Variants in CADM2 observed in about 807,000 individuals in gnomAD.
CADM2 encodes immunoglobulin superfamily member 4D.
A neutral mutation model predicts 49.8 loss-of-function variants in CADM2; 12 were observed. The ratio of observed to expected loss-of-function variants is 0.24; its 90% CI spans 0.15 to 0.39. The LOEUF (loss-of-function observed/expected upper bound fraction) is 0.39, where lower values mean the gene tolerates loss of function less well. CADM2 is among the 10% of genes least tolerant of loss of function. The pLI is 1.00. For synonymous variants in CADM2, 214 were observed against 175.4 expected (o/e 1.22, Z -1.74); for missense variants, 378 against 492.3 (o/e 0.77, Z 2.20).
chr3:85,691,881 A>C (rs1225257692), intron 1 of CADM2, among the ~76,000 whole-genome samples: 1 of 152,174 alleles, frequency 6.6e-6, no homozygotes, highest in Non-Finnish European at 1.5e-5. Context: ...AAGGACAAAA[A>C]ACCAAACACC....
chr3:85,422,134 A>C (rs2036199264), intron 1 of CADM2, among the ~76,000 whole-genome samples: 1 of 151,776 alleles, frequency 6.6e-6, no homozygotes, highest in Non-Finnish European at 1.5e-5. Context: ...AAGTTTTAGA[A>C]TGTGTACATA....
intron 1 of CADM2, among the ~76,000 whole-genome samples, chr3:85,171,089 A>T (rs2040613464): frequency 6.6e-6 from 1 of 152,206 alleles, no homozygotes; most frequent in Non-Finnish European, 1.5e-5. Context: ...GTAAATGTAC[A>T]TGAGGCATAT....
chr3:85,964,655 T>C (rs1725252235), intron 8 of CADM2, among the ~76,000 whole-genome samples: 1 of 151,734 alleles, frequency 6.6e-6, no homozygotes, highest in African/African-American at 2.4e-5. Flanking sequence ...TTATCCTCAA[T>C]GAAAGGCCTA....
chr3:85,234,916 A>T (rs972039830), intron 1 of CADM2, among the ~76,000 whole-genome samples: 2 of 152,134 alleles, frequency 1.3e-5, no homozygotes, highest in African/African-American at 2.4e-5. Flanking sequence ...AAAAGCTGCT[A>T]TGAACTAACA....
chr3:85,762,985 G>A (rs1011530836), intron 2 of CADM2, among the ~76,000 whole-genome samples: 13 of 151,424 alleles, frequency 8.6e-5, no homozygotes, highest in African/African-American at 2.9e-4. Context: ...AGTTCTTTGG[G>A]TTGTTTCTAA....
intron 1 of CADM2, among the ~76,000 whole-genome samples, chr3:85,479,551 A>C (rs1435342852): frequency 6.6e-6 from 1 of 151,978 alleles, no homozygotes; most frequent in Non-Finnish European, 1.5e-5. Flanking sequence ...CAGGAGATTC[A>C]GATTCCGATT....
intron 1 of CADM2, among the ~76,000 whole-genome samples, chr3:85,219,897 G>C (rs1235789369): frequency 6.6e-6 from 1 of 152,188 alleles, no homozygotes; most frequent in South Asian, 2.1e-4. Flanking sequence ...ACAATTTGAG[G>C]CACATGAAAT....
chr3:85,723,185 G>T (rs527694484), intron 1 of CADM2, among the ~76,000 whole-genome samples: 1 of 151,868 alleles, frequency 6.6e-6, no homozygotes, highest in South Asian at 2.1e-4. Context: ...ATATTATAAC[G>T]AACAATCTCT....
At chr3:85,188,991 A>G (rs1212830208) in intron 1 of CADM2, among the ~76,000 whole-genome samples, 1 of 151,874 alleles carries the variant, frequency 6.6e-6, no homozygotes, top group Non-Finnish European at 1.5e-5. Flanking sequence ...AGATTGCGCC[A>G]CTGAACTCCA....
rs539168332 is a variant in CADM2 at position 85,258,614 on chromosome 3, C to T, written c.61+298946C>T. On this transcript the variant is annotated intron_variant, in intron 1 of 9. Transcript: ENST00000383699. ...CAAGACGCTATCCAATCCCTGAAAA[C>T]GAAACAAATGTACCGTATCCATTAA... Among the ~76,000 whole-genome samples the T allele has an allele frequency of 3.8e-4, 58 of 152,016 alleles. 1 individual carries two copies. The highest frequency in any genetic ancestry group is 3.0e-3 in the Admixed American group (45 of 15,244).
At chr3:86,033,983 C>T (rs767923699) in intron 8 of CADM2, among the ~76,000 whole-genome samples, 4 of 151,596 alleles carry the variant, frequency 2.6e-5, no homozygotes, top group Non-Finnish European at 4.4e-5. Flanking sequence ...CTAGCACCCA[C>T]TCTGCGTATA....
intron 1 of CADM2, among the ~76,000 whole-genome samples, chr3:85,037,116 G>C (rs542609464): frequency 1.5e-4 from 23 of 152,190 alleles, no homozygotes; most frequent in Admixed American, 4.6e-4. Flanking sequence ...GTTGCAGTGA[G>C]CTAAGATTGC....
chr3:85,415,203 A>G (rs2035859083), intron 1 of CADM2, among the ~76,000 whole-genome samples: 1 of 152,160 alleles, frequency 6.6e-6, no homozygotes, highest in Admixed American at 6.5e-5. Context: ...TTTGGCACAA[A>G]ATATTTAATA....
intron 1 of CADM2, among the ~76,000 whole-genome samples, chr3:85,011,874 AAAAT>A (rs1458954748): frequency 6.6e-6 from 1 of 152,172 alleles, no homozygotes; most frequent in African/African-American, 2.4e-5. Context: ...CCTGTCTCAA[AAAAT>A]AAATAAATAA....
intron 1 of CADM2, among the ~76,000 whole-genome samples, chr3:85,199,418 A>T (rs754210635): frequency 6.0e-5 from 9 of 151,198 alleles, no homozygotes; most frequent in Non-Finnish European, 7.4e-5. Context: ...AAAAAGGAAT[A>T]GACAAAAGCT....
At chr3:85,652,772 C>CTTTCTTTTTTTT in intron 1 of CADM2, among the ~76,000 whole-genome samples, 1 of 50,782 alleles carries the variant, frequency 2.0e-5, no homozygotes. Flanking sequence ...TTTTTCTTTT[C>CTTTCTTTTTTTT]TTTTTTTTTT....
intron 3 of CADM2, among the ~76,000 whole-genome samples, chr3:85,858,120 C>A (rs368626113): frequency 6.6e-6 from 1 of 152,176 alleles, no homozygotes; most frequent in South Asian, 2.1e-4. Flanking sequence ...TGAAGCCTCA[C>A]ACAATATCTC....
intron 1 of CADM2, among the ~76,000 whole-genome samples, chr3:85,191,302 AG>A (rs1300504688): frequency 2.0e-5 from 3 of 152,008 alleles, no homozygotes; most frequent in Admixed American, 2.0e-4. Flanking sequence ...ATCAACAGTA[AG>A]GAACTCACTT....
intron 8 of CADM2, among the ~76,000 whole-genome samples, chr3:86,000,345 A>G (rs1201839691): frequency 6.6e-6 from 1 of 152,214 alleles, no homozygotes; most frequent in Non-Finnish European, 1.5e-5. Flanking sequence ...GTAGGAACTT[A>G]CCATGTTTCC....
Sources: gnomAD v4.1 joint callset for allele counts (sites outside exome capture counted in the v4.1 genomes callset) on GRCh38, gnomAD v4.1.1 for gene constraint, MANE v1.5 for transcripts, NCBI Gene and HGNC (gene_info 2026-07-23, HGNC 2026-07-21) for gene names.